The following MYH2 variants were observed in gnomAD, a reference collection of about 807,000 sequenced individuals.
MYH2 encodes the protein myosin-2.
A neutral mutation model predicts 228.1 loss-of-function variants in MYH2; 139 were observed. That is an observed-to-expected ratio of 0.61 (90% CI 0.53 to 0.70). The LOEUF is 0.70. MYH2 is among the 30% of genes least tolerant of loss of function. The pLI is 0.00. For synonymous variants in MYH2, 796 were observed against 871.1 expected, an observed-to-expected ratio of 0.91 and a Z score of 1.52; for missense variants, 1,809 against 2,357.5, an observed-to-expected ratio of 0.77 and a Z score of 4.82.
intron 10 of MYH2, among the ~76,000 whole-genome samples, chr17:10,542,287 A>ACAAACAAG (rs1469747179): frequency 1.3e-5 from 2 of 151,970 alleles, no homozygotes; most frequent in Admixed American, 1.3e-4. Flanking sequence ...AAACAAACAA[A>ACAAACAAG]CAAACAAACA....
intron 19 of MYH2, 26 bp downstream of exon 19, chr17:10,535,047 A>G: frequency 6.2e-7 from 1 of 1,609,542 alleles, no homozygotes; most frequent in Non-Finnish European, 8.5e-7. Context: ...AAACTTCAGA[A>G]TACACCATAA....
At chr17:10,526,558 T>A (rs1325170468) in intron 30 of MYH2, 41 bp downstream of exon 30, 1 of 1,612,702 alleles carries the variant, frequency 6.2e-7, no homozygotes, top group Non-Finnish European at 8.5e-7. Context: ...TGATTCAATA[T>A]GCAAAGTTTT....
rs770623563 is a variant in MYH2, at chr17:10,524,563, T to G, written c.5078A>C (p.Glu1693Ala). The change falls in exon 35 of 40, where the codon GAG (glutamate) becomes GCG (alanine). Residue 1693 changes from glutamate (E) to alanine (A), a missense_variant. Glu to Ala is a moderately radical substitution (Grantham distance 107). Around this residue, in one of 9 missense-constraint regions of MYH2, gnomAD observed 278 missense variants for 308.5 expected, o/e 0.90. Coordinates refer to ENST00000245503, the MANE Select transcript of MYH2 (RefSeq NM_017534.6). This position sits in a 1 kb window ranked among gnomAD's most constrained non-coding sequence, Gnocchi z 4.7. ...RANLLQAEIE[E>A]LRATLEQTER... is the part of the protein sequence containing the mutation. ...TGTCTGTTCCAGAGTGGCCCGCAGC[T>G]CCTCGATCTCAGCCTGCAGCAGGTT... The G allele has an allele frequency of 6.2e-7, 1 of 1,614,106 alleles. No individual in the cohort carries two copies. Among genetic ancestry groups the G allele is most frequent in the Non-Finnish European group, 8.5e-7 (1 of 1,180,052 alleles).
At chr17:10,546,778 TTAA>T (rs1567738062) in intron 4 of MYH2, among the ~76,000 whole-genome samples, 2 of 128,620 alleles carry the variant, frequency 1.6e-5, no homozygotes, top group African/African-American at 2.6e-5. Context: ...AAATTTGTTT[TTAA>T]AAAAAAAAAA....
intron 6 of MYH2, 37 bp from the exon 7 acceptor site, chr17:10,544,053 C>A (rs928455234): frequency 4.3e-6 from 7 of 1,614,084 alleles, no homozygotes; most frequent in East Asian, 2.2e-5. Context: ...TGGTCTCAAA[C>A]CTAGCAGCTA....
chr17:10,543,196 T>A (rs767252059), intron 8 of MYH2, 35 bp from the exon 9 acceptor site: 44 of 1,424,738 alleles, frequency 3.1e-5, no homozygotes, highest in African/African-American at 5.7e-5. Flanking sequence ...ACCTTTTTTT[T>A]ATATAATATT....
At chr17:10,546,054 T>A (rs1289213781) in intron 4 of MYH2, among the ~76,000 whole-genome samples, 4 of 151,804 alleles carry the variant, frequency 2.6e-5, no homozygotes. Context: ...CTTTGCAGCA[T>A]TAAGATAATT....
Position 10,547,880 on chromosome 17 carries a change from G to T in MYH2, c.41C>A (p.Ala14Asp). ...CCTTTCAGACTTTCGGAGGAAAGGA[G>T]CAGCCTCCCCAAAAACAGCCAATTC... ...DSELAVFGEA[A>D]PFLRKSERER... The change falls in exon 3 of 40, where the codon GCT (alanine) becomes GAT (aspartate). Residue 14 changes from alanine to aspartate, a missense_variant. By Grantham distance (126) the Ala-to-Asp change is moderately radical. Transcript: ENST00000245503. The T allele has an allele frequency of 6.2e-7, 1 of 1,614,036 alleles. No homozygotes were observed.
At chr17:10,530,697 A>G (rs1268373802) in intron 22 of MYH2, among the ~76,000 whole-genome samples, 10 of 152,188 alleles carry the variant, frequency 6.6e-5, no homozygotes, top group Admixed American at 6.5e-4. Flanking sequence ...CTCATCAGTA[A>G]TCCTCCATAT....
intron 21 of MYH2, 93 bp downstream of exon 21, chr17:10,533,192 T>C: frequency 6.4e-7 from 1 of 1,552,574 alleles, no homozygotes; most frequent in Non-Finnish European, 8.9e-7. Flanking sequence ...TCATTTCTTC[T>C]TTAGTGTCCT....
intron 30 of MYH2, among the ~76,000 whole-genome samples, chr17:10,526,331 G>A (rs571973996): frequency 1.3e-5 from 2 of 152,260 alleles, no homozygotes; most frequent in African/African-American, 2.4e-5. Flanking sequence ...GCAGCGATGA[G>A]CTCATTGTGC....
Position 10,526,624 on chromosome 17 carries a change from G to A in MYH2, c.4162C>T (p.Arg1388Cys), listed in dbSNP as rs140775405. 5.6e-6 allele frequency: 9 copies of A among 1,613,840 alleles called. No individual in the cohort carries two copies. The highest frequency in any genetic ancestry group is 4.0e-5 in the African/African-American group (3 of 74,914). ...TTGGCCTCCTCCAGCTCCTCTGTGC[G>A]CTGGATGGCGTCCGTCTCGTATTTG... ...RTKYETDAIQ[R>C]TEELEEAKKK... The change falls in exon 30 of 40, where the codon CGC becomes TGC. Residue 1388 changes from arginine to cysteine, a missense_variant. This residue lies in a region of MYH2 where 636 missense variants were observed against 729.9 expected (regional missense o/e 0.87). Coordinates refer to ENST00000245503, the MANE Select transcript of MYH2 (RefSeq NM_017534.6).
Position 10,531,666 on chromosome 17 carries a change from T to C in MYH2, c.2664A>G (p.Lys888=). The C allele has an allele frequency of 1.2e-6, 2 of 1,614,210 alleles. No individual in the cohort carries two copies. The highest frequency in any genetic ancestry group is 1.7e-6 in the Non-Finnish European group (2 of 1,180,036). The change falls in exon 22 of 40, where the codon AAA becomes AAG. Residue 888 remains lysine, a synonymous_variant. Coordinates refer to ENST00000245503, the MANE Select transcript of MYH2 (RefSeq NM_017534.6). The part of the protein sequence containing the change: ...ELEEKMVTLL[K]EKNDLQLQVQ... ...CTTGGAGCTGCAAGTCATTTTTTTC[T>C]TTCAACAGCGTCACCATCTTTTCTT...
chr17:10,541,847 G>C (rs1336570938), intron 10 of MYH2, among the ~76,000 whole-genome samples: 2 of 152,174 alleles, frequency 1.3e-5, no homozygotes, highest in Non-Finnish European at 2.9e-5. Context: ...TTGAATTATT[G>C]GGGGTGGGTT....
In MYH2 at chr17:10,528,573, A is replaced by C. The variant is rs574125450; in HGVS notation, c.3744+117T>G. The C allele has an allele frequency of 3.5e-4, 513 of 1,481,050 alleles. 5 individuals are homozygous for C. In the South Asian group the frequency reaches 5.7e-3, roughly 17 times the overall value. 91.7% of individuals were successfully genotyped at this position (1,481,050 alleles called of 1,614,324 possible). A position where few individuals can be genotyped will look rare whatever the true frequency, so the allele number is the denominator to read the frequency against. On this transcript the variant is annotated intron_variant, in intron 27 of 39. Transcript: ENST00000245503. ...TAAAAAATGCTGATTTTTTGTGCTT[A>C]CTTCCCTGAATTACTGCAGTTAACA... is the stretch of plus-strand genomic sequence containing the variant.
chr17:10,536,669 G>T, intron 16 of MYH2, 63 bp from the exon 17 acceptor site: 1 of 1,481,268 alleles, frequency 6.8e-7, no homozygotes. Context: ...TTGCGTATTT[G>T]CTGATTTCTG....
chr17:10,523,219 A>G, intron 38 of MYH2, 34 bp from the exon 39 acceptor site: 5 of 1,605,378 alleles, frequency 3.1e-6, no homozygotes, highest in Non-Finnish European at 4.3e-6. Flanking sequence ...GACCTTAATT[A>G]CTAAAGCACA....
At chr17:10,535,448 A>G (rs1230136230) in intron 17 of MYH2, 83 bp from the exon 18 acceptor site, 3 of 1,183,848 alleles carry the variant, frequency 2.5e-6, no homozygotes, top group African/African-American at 1.5e-5. Flanking sequence ...ATCAATATCT[A>G]TAGCTGAGTT....
intron 30 of MYH2, among the ~76,000 whole-genome samples, chr17:10,526,172 T>A (rs987762983): frequency 6.6e-6 from 1 of 151,964 alleles, no homozygotes; most frequent in African/African-American, 2.4e-5. Flanking sequence ...TGAAGCAAAA[T>A]AAAATAAATG....
Sources: allele counts gnomAD v4.1 joint callset (sites outside exome capture counted in the v4.1 genomes callset), GRCh38; gene constraint gnomAD v4.1.1; regional missense constraint gnomAD v4.1.1; non-coding constraint Gnocchi (gnomAD v3.1); transcripts MANE v1.5; gene names NCBI Gene and HGNC (gene_info 2026-07-23, HGNC 2026-07-21).